Variants in MDGA2 observed in about 807,000 individuals in gnomAD.
MDGA2 encodes MAM domain-containing glycosylphosphatidylinositol anchor protein 2.
A neutral mutation model predicts 117.8 loss-of-function variants in MDGA2; 40 were observed. The ratio of observed to expected loss-of-function variants is 0.34; its 90% CI spans 0.26 to 0.44. MDGA2 has a LOEUF of 0.44. Ranked by LOEUF, MDGA2 falls within the 20% of genes least tolerant of loss-of-function variation. The pLI, the probability that MDGA2 is intolerant of heterozygous loss-of-function variation, is 1.00. For missense variants in MDGA2, 1,123 were observed against 1,250.6 expected, an observed-to-expected ratio of 0.90 and a Z score of 1.54; for synonymous variants, 452 against 439.0, an observed-to-expected ratio of 1.03 and a Z score of -0.37.
intron 1 of MDGA2, among the ~76,000 whole-genome samples, chr14:47,595,008 C>T (rs1405796536): frequency 6.6e-6 from 1 of 152,104 alleles, no homozygotes; most frequent in Non-Finnish European, 1.5e-5. Flanking sequence ...TAATTAAAAC[C>T]TTCCCCACTT....
chr14:46,916,435 G>A (rs776907400), intron 10 of MDGA2, among the ~76,000 whole-genome samples: 1 of 149,832 alleles, frequency 6.7e-6, no homozygotes, highest in East Asian at 2.0e-4. Flanking sequence ...AAAAAAAAAA[G>A]CACCTATTTC....
intron 3 of MDGA2, among the ~76,000 whole-genome samples, chr14:47,176,872 C>G (rs930898697): frequency 3.9e-5 from 6 of 151,998 alleles, no homozygotes; most frequent in East Asian, 3.9e-4. Context: ...GCAACCTACA[C>G]AATGGGAGAA....
At chr14:47,026,648 T>C (rs1050401209) in intron 8 of MDGA2, among the ~76,000 whole-genome samples, 8 of 152,062 alleles carry the variant, frequency 5.3e-5, no homozygotes, top group Admixed American at 2.6e-4. Context: ...ATAGTATGTG[T>C]GAAATGCCCA....
intron 1 of MDGA2, among the ~76,000 whole-genome samples, chr14:47,643,266 T>G (rs1402588827): frequency 6.6e-6 from 1 of 152,126 alleles, no homozygotes; most frequent in African/African-American, 2.4e-5. Context: ...TTATACCATT[T>G]TTAATAAAAT....
At chr14:47,547,459 T>C (rs1895486318) in intron 1 of MDGA2, among the ~76,000 whole-genome samples, 1 of 152,194 alleles carries the variant, frequency 6.6e-6, no homozygotes, top group African/African-American at 2.4e-5. Context: ...CTGTTTTCCT[T>C]TCCTAGGTTT....
chr14:46,997,049 T>C (rs546162982), intron 8 of MDGA2: 20 of 266,860 alleles, frequency 7.5e-5, no homozygotes, highest in South Asian at 5.6e-4. Context: ...TTTGAAAGAT[T>C]GAGCTTTCAG....
At chr14:47,527,480 T>TG (rs1193391671) in intron 1 of MDGA2, among the ~76,000 whole-genome samples, 3 of 152,100 alleles carry the variant, frequency 2.0e-5, no homozygotes, top group Non-Finnish European at 4.4e-5. Context: ...TAAAAATACT[T>TG]GCAGTGGAAA....
At chr14:47,404,104 C>T (rs1176239961) in intron 1 of MDGA2, among the ~76,000 whole-genome samples, 2 of 152,006 alleles carry the variant, frequency 1.3e-5, no homozygotes, top group Non-Finnish European at 2.9e-5. Flanking sequence ...TGTTTTTCTC[C>T]TGTTAAATCT....
chr14:47,287,249 G>C (rs1888718233), intron 2 of MDGA2, among the ~76,000 whole-genome samples: 1 of 151,966 alleles, frequency 6.6e-6, no homozygotes, highest in African/African-American at 2.4e-5. Context: ...AAAGCTTTTG[G>C]GAAGAGGTGA....
In MDGA2 at chr14:46,843,703, C is replaced by T. The variant is rs112017132; in HGVS notation, c.2990-1684G>A. ...ACTTAAGAATTGAGTCAATTCAGTT[C>T]ATATGAGTAATCAGTGGACAATTGT... On this transcript the variant is annotated intron_variant, in intron 16 of 16. Transcript: ENST00000399232. 4.8e-3 allele frequency among the ~76,000 whole-genome samples: 723 copies of T among 152,122 alleles called. 7 individuals are homozygous for T. The highest frequency in any genetic ancestry group is 0.016 in the African/African-American group (680 of 41,534).
At chr14:47,543,636 C>A (rs542762598) in intron 1 of MDGA2, among the ~76,000 whole-genome samples, 1 of 152,300 alleles carries the variant, frequency 6.6e-6, no homozygotes, top group East Asian at 1.9e-4. Context: ...AATGAATATA[C>A]TCAGATAATT....
At chr14:47,010,018 C>G (rs1887842521) in intron 8 of MDGA2, among the ~76,000 whole-genome samples, 1 of 152,030 alleles carries the variant, frequency 6.6e-6, no homozygotes, top group Non-Finnish European at 1.5e-5. Flanking sequence ...ATTTAGACAA[C>G]ACCTTACGGA....
At chr14:47,338,677 C>G (rs963575773) in intron 1 of MDGA2, among the ~76,000 whole-genome samples, 1 of 151,950 alleles carries the variant, frequency 6.6e-6, no homozygotes, top group Non-Finnish European at 1.5e-5. Flanking sequence ...TCATGGACAC[C>G]TCAACATTCT....
intron 1 of MDGA2, among the ~76,000 whole-genome samples, chr14:47,430,866 TAA>T (rs1372700854): frequency 3.3e-5 from 5 of 152,226 alleles, no homozygotes; most frequent in African/African-American, 1.2e-4. Flanking sequence ...GCAAGTTAAT[TAA>T]TTCAGTTTCA....
At chr14:47,228,350 G>A (rs184365606) in intron 2 of MDGA2, among the ~76,000 whole-genome samples, 52 of 152,200 alleles carry the variant, frequency 3.4e-4, no homozygotes, top group African/African-American at 9.1e-4. Flanking sequence ...TTTCACTTAC[G>A]ATTTGTTTGA....
intron 8 of MDGA2, among the ~76,000 whole-genome samples, chr14:47,030,241 A>G (rs1369634821): frequency 2.0e-5 from 3 of 152,066 alleles, no homozygotes; most frequent in Admixed American, 2.0e-4. Flanking sequence ...GTTCAGGCGC[A>G]GTGACTCACA....
At chr14:47,617,662 T>G (rs12588171) in intron 1 of MDGA2, among the ~76,000 whole-genome samples, 7,729 of 152,254 alleles carry the variant, frequency 0.051, 499 homozygotes, top group East Asian at 0.22. Context: ...AATTTCTTTA[T>G]GGATGTCTTA....
chr14:47,488,307 G>T (rs1203896188), intron 1 of MDGA2, among the ~76,000 whole-genome samples: 1 of 152,062 alleles, frequency 6.6e-6, no homozygotes, highest in East Asian at 1.9e-4. Context: ...TGCAAAGCAA[G>T]AGACATAAGC....
chr14:47,348,315 G>T (rs1280020911), intron 1 of MDGA2, among the ~76,000 whole-genome samples: 1 of 151,646 alleles, frequency 6.6e-6, no homozygotes, highest in Non-Finnish European at 1.5e-5. Flanking sequence ...AGGTTCAAGC[G>T]ATTCTCATGC....
Sources: gnomAD v4.1 joint callset for allele counts (sites outside exome capture counted in the v4.1 genomes callset) on GRCh38, gnomAD v4.1.1 for gene constraint, MANE v1.5 for transcripts, NCBI Gene and HGNC (gene_info 2026-07-23, HGNC 2026-07-21) for gene names.